The following OTUD7A variants were observed in gnomAD, a reference collection of about 807,000 sequenced individuals.
The protein encoded by OTUD7A is OTU deubiquitinase 7A.
OTUD7A carries 12 observed loss-of-function variants against 65.7 expected under a neutral mutation model. The observed-to-expected ratio is 0.18, with a 90% confidence interval of 0.12 to 0.30. The LOEUF (loss-of-function observed/expected upper bound fraction) is 0.30, where lower values mean the gene tolerates loss of function less well. Among genes scored for constraint, OTUD7A ranks in the 10% least tolerant of loss-of-function variants. The probability of loss-of-function intolerance (pLI) is 1.00; values close to 1 mark genes in which losing one functional copy is unlikely to be tolerated. For missense variants in OTUD7A, 1,148 were observed against 1,304.8 expected, an observed-to-expected ratio of 0.88 and a Z score of 1.85; for synonymous variants, 641 against 586.3, an observed-to-expected ratio of 1.09 and a Z score of -1.35.
intron 1 of OTUD7A, among the ~76,000 whole-genome samples, chr15:31,722,263 G>A (rs1196279371): frequency 5.9e-5 from 9 of 152,278 alleles, no homozygotes; most frequent in Non-Finnish European, 2.9e-5. Context: ...CCTCAGCCAC[G>A]CAGGAATGGC....
At position 31,606,361 on chromosome 15, in the gene OTUD7A, GCA is replaced by G. The variant is rs748718269; in HGVS notation, c.152-36166_152-36165del. 9.3e-4 allele frequency among the ~76,000 whole-genome samples: 141 copies of G among 152,328 alleles called. 1 individual carries two copies. Among genetic ancestry groups the G allele is most frequent in the East Asian group, 1.7e-3 (9 of 5,184 alleles). On this transcript the variant is annotated intron_variant, in intron 3 of 12. Transcript: ENST00000307050. ...CCGTTATGAACACACACGTGACCGT[GCA>G]CAGAGTTAGTAGCTTGAAAAATGTT...
rs1410845880 is a variant in OTUD7A at position 31,767,969 on chromosome 15, T to C, written c.-100+102538A>G. 8 of 1,566,282 alleles carry C rather than the reference T, an allele frequency of 5.1e-6. No homozygotes were observed. The African/African-American group carries it at 9.5e-5, about 19-fold the overall frequency. ...TTTGATATCTTCAATTATACGATTCTTAAGAAATTTCCTCAACAGTTGTTG... is the reference window on the plus strand; with the variant it reads ...TTTGATATCTTCAATTATACGATTCCTAAGAAATTTCCTCAACAGTTGTTG... On this transcript the variant is annotated intron_variant, in intron 1 of 12. Coordinates refer to ENST00000307050, the MANE Select transcript of OTUD7A (RefSeq NM_001382637.1).
intron 3 of OTUD7A, among the ~76,000 whole-genome samples, chr15:31,603,487 A>C (rs1890143899): frequency 1.3e-5 from 2 of 152,222 alleles, no homozygotes. Flanking sequence ...AAACCATAAA[A>C]ATCCTAGAAG....
At chr15:31,503,853 T>G in intron 8 of OTUD7A, 35 bp from the exon 9 acceptor site, 1 of 1,612,774 alleles carries the variant, frequency 6.2e-7, no homozygotes, top group Non-Finnish European at 8.5e-7. Context: ...GGTCACTGAC[T>G]AAAACAGGGT....
chr15:31,626,909 T>C (rs1890972646), intron 3 of OTUD7A, among the ~76,000 whole-genome samples: 1 of 136,664 alleles, frequency 7.3e-6, no homozygotes, highest in Admixed American at 7.2e-5. Flanking sequence ...GTTTTTTTGT[T>C]TTTATGGTTT....
Position 31,619,109 on chromosome 15 carries a change from G to A in OTUD7A, c.151+35987C>T, listed in dbSNP as rs1175798707. On this transcript the variant is annotated intron_variant, in intron 3 of 12. Coordinates refer to ENST00000307050, the MANE Select transcript of OTUD7A (RefSeq NM_001382637.1). ...TAGATGTGTGGTATTATTTCTGAGG[G>A]CTCTGTTCTGCTCCATTGATCTATA... Among the ~76,000 whole-genome samples, 3 of 152,004 alleles carry A rather than the reference G, an allele frequency of 2.0e-5. No homozygotes were observed. In the East Asian group the frequency reaches 5.8e-4, roughly 29 times the overall value.
intron 1 of OTUD7A, among the ~76,000 whole-genome samples, chr15:31,742,596 A>G (rs1204100996): frequency 6.6e-6 from 1 of 152,130 alleles, no homozygotes; most frequent in African/African-American, 2.4e-5. Flanking sequence ...AACTAAACCT[A>G]AACATATACA....
chr15:31,713,535 C>T (rs1289318084), intron 1 of OTUD7A, among the ~76,000 whole-genome samples: 4 of 152,052 alleles, frequency 2.6e-5, no homozygotes, highest in African/African-American at 4.8e-5. Flanking sequence ...AGAAGAATCG[C>T]TTAAACCCAG....
intron 8 of OTUD7A, among the ~76,000 whole-genome samples, chr15:31,518,078 C>T (rs930794875): frequency 6.6e-6 from 1 of 152,080 alleles, no homozygotes; most frequent in African/African-American, 2.4e-5. Flanking sequence ...GTGGTTAGTG[C>T]CCACTTTCCT....
chr15:31,601,682 T>C (rs1371225558), intron 3 of OTUD7A, among the ~76,000 whole-genome samples: 1 of 152,086 alleles, frequency 6.6e-6, no homozygotes, highest in Non-Finnish European at 1.5e-5. Context: ...GCTAGTTTTT[T>C]GAAAAGATCA....
chr15:31,651,771 C>T (rs1374367317), intron 3 of OTUD7A, among the ~76,000 whole-genome samples: 1 of 152,078 alleles, frequency 6.6e-6, no homozygotes, highest in Non-Finnish European at 1.5e-5. Flanking sequence ...CCCCGCCCCC[C>T]AATACACATA....
chr15:31,737,198 A>C (rs1237334094), intron 1 of OTUD7A, among the ~76,000 whole-genome samples: 1 of 152,206 alleles, frequency 6.6e-6, no homozygotes, highest in African/African-American at 2.4e-5. Context: ...ATATGGCAAA[A>C]TAAACAATAT....
chr15:31,796,142 C>CGTGTGTGTTTGTGT (rs1895948007), intron 1 of OTUD7A, among the ~76,000 whole-genome samples: 1 of 148,020 alleles, frequency 6.8e-6, no homozygotes, highest in Non-Finnish European at 1.5e-5. Context: ...GTAAGGGGTG[C>CGTGTGTGTTTGTGT]GTGTGTGTGT....
intron 1 of OTUD7A, among the ~76,000 whole-genome samples, chr15:31,815,078 T>G (rs898901714): frequency 3.3e-5 from 5 of 152,294 alleles, no homozygotes; most frequent in African/African-American, 1.2e-4. Flanking sequence ...ATTGGTTCCC[T>G]GTCTCTGAAC....
At chr15:31,857,984 C>T (rs1316437810) in intron 1 of OTUD7A, among the ~76,000 whole-genome samples, 1 of 152,142 alleles carries the variant, frequency 6.6e-6, no homozygotes, top group Non-Finnish European at 1.5e-5. Context: ...TAGTACTTTA[C>T]GAAGAACGCA....
rs1888600919 is a variant in OTUD7A at position 31,559,194 on chromosome 15, G to A, written c.332-7C>T. The A allele has an allele frequency of 6.2e-7, 1 of 1,611,528 alleles. No homozygotes were observed. The highest frequency in any genetic ancestry group is 1.1e-5 in the South Asian group (1 of 90,804). On this transcript the variant is annotated splice_polypyrimidine_tract_variant and splice_region_variant and intron_variant, in intron 4 of 12. Transcript: ENST00000307050. The stretch of plus-strand genomic sequence containing the variant: ...CCCCGGGAAAGCCGCTTTTCTGCAG[G>A]GGGAGAAGGAAAGATAGCCCCAAGG...
chr15:31,747,867 G>A (rs1048029257), intron 1 of OTUD7A, among the ~76,000 whole-genome samples: 2 of 152,064 alleles, frequency 1.3e-5, no homozygotes, highest in Non-Finnish European at 1.5e-5. Context: ...ATGCACTGAG[G>A]GACATAACAT....
intron 1 of OTUD7A, among the ~76,000 whole-genome samples, chr15:31,729,955 G>A (rs752931738): frequency 1.3e-5 from 2 of 152,062 alleles, no homozygotes; most frequent in Non-Finnish European, 2.9e-5. Flanking sequence ...AATGATTCCT[G>A]TTATGAACTG....
chr15:31,566,507 C>A (rs985326934), intron 4 of OTUD7A, among the ~76,000 whole-genome samples: 1 of 152,118 alleles, frequency 6.6e-6, no homozygotes, highest in Non-Finnish European at 1.5e-5. Context: ...GCCTAAGAAG[C>A]AAATGACAAG....
Sources: allele counts gnomAD v4.1 joint callset (sites outside exome capture counted in the v4.1 genomes callset), GRCh38; gene constraint gnomAD v4.1.1; transcripts MANE v1.5; gene names NCBI Gene and HGNC (gene_info 2026-07-23, HGNC 2026-07-21).